Variants in TMEM178B observed in about 807,000 individuals in gnomAD.
TMEM178B encodes transmembrane protein 178B.
In TMEM178B, 5 loss-of-function variants were observed where a neutral mutation model predicts 31.0. The ratio of observed to expected loss-of-function variants is 0.16; its 90% CI spans 0.08 to 0.34. TMEM178B has a LOEUF of 0.34. TMEM178B is among the 10% of genes least tolerant of loss of function. The pLI, the probability that TMEM178B is intolerant of heterozygous loss-of-function variation, is 1.00. For synonymous variants in TMEM178B, 164 were observed against 164.0 expected (o/e 1.00, Z 0.00); for missense variants, 275 against 400.3 (o/e 0.69, Z 2.67).
intron 1 of TMEM178B, among the ~76,000 whole-genome samples, chr7:141,211,989 A>G (rs566070624): frequency 4.6e-5 from 7 of 152,186 alleles, no homozygotes; most frequent in Non-Finnish European, 8.8e-5. Context: ...TATTTTGACA[A>G]TCGACTAGTA....
At chr7:141,465,621 TC>T (rs1802135981) in intron 3 of TMEM178B, among the ~76,000 whole-genome samples, 1 of 152,324 alleles carries the variant, frequency 6.6e-6, no homozygotes, top group African/African-American at 2.4e-5. Context: ...ATTCATTCAG[TC>T]CCTTTATCGA....
intron 1 of TMEM178B, among the ~76,000 whole-genome samples, chr7:141,158,410 T>G (rs564832600): frequency 2.2e-4 from 34 of 152,296 alleles, no homozygotes; most frequent in African/African-American, 8.2e-4. Flanking sequence ...AGGTTGCCAA[T>G]TGATGTCTGT....
intron 2 of TMEM178B, among the ~76,000 whole-genome samples, chr7:141,275,892 A>T (rs1378984627): frequency 1.3e-5 from 2 of 152,206 alleles, no homozygotes; most frequent in Admixed American, 1.3e-4. Flanking sequence ...GAAGATTCAG[A>T]GGCTCCTCGT....
At chr7:141,267,251 T>G (rs1006213398) in intron 2 of TMEM178B, among the ~76,000 whole-genome samples, 1 of 152,194 alleles carries the variant, frequency 6.6e-6, no homozygotes, top group Non-Finnish European at 1.5e-5. Context: ...GGTTAATGGG[T>G]TTTCCTGTCT....
At chr7:141,377,553 C>T (rs913181277) in intron 2 of TMEM178B, among the ~76,000 whole-genome samples, 22 of 152,044 alleles carry the variant, frequency 1.4e-4, no homozygotes, top group African/African-American at 5.3e-4. Context: ...CACCTGTAAT[C>T]ACGGCTACTC....
intron 2 of TMEM178B, among the ~76,000 whole-genome samples, chr7:141,286,826 G>A (rs1473508138): frequency 3.3e-5 from 5 of 152,160 alleles, no homozygotes; most frequent in South Asian, 2.1e-4. Context: ...TCAGGCCAAC[G>A]TTAGAGACTG....
chr7:141,246,128 A>G (rs1205786656), intron 2 of TMEM178B, among the ~76,000 whole-genome samples: 1 of 152,200 alleles, frequency 6.6e-6, no homozygotes, highest in Non-Finnish European at 1.5e-5. Flanking sequence ...TGAGGGGATG[A>G]GTCTGAATAA....
At chr7:141,363,434 C>A (rs1799950993) in intron 2 of TMEM178B, among the ~76,000 whole-genome samples, 1 of 152,170 alleles carries the variant, frequency 6.6e-6, no homozygotes, top group African/African-American at 2.4e-5. Flanking sequence ...CAGTAAGTAA[C>A]CTTCTGGAGT....
chr7:141,288,810 T>C (rs1798494404), intron 2 of TMEM178B, among the ~76,000 whole-genome samples: 2 of 152,230 alleles, frequency 1.3e-5, no homozygotes, highest in Admixed American at 1.3e-4. Flanking sequence ...TTTCTTGGCT[T>C]GTTCCTTACC....
At position 141,473,444 on chromosome 7, in the gene TMEM178B, G is replaced by A. The variant is rs1802286012; in HGVS notation, c.*2658G>A. On this transcript the variant is annotated 3_prime_UTR_variant, in exon 4 of 4. Coordinates refer to ENST00000565468, the MANE Select transcript of TMEM178B (RefSeq NM_001195278.2). ...TTGCTATGAACCATTTAAACTTTTT[G>A]TAAGTAATCATGTTTGAGGATGCTG... The A allele has an allele frequency of 6.6e-6, 1 of 152,162 alleles. No homozygotes were observed. The highest frequency in any genetic ancestry group is 6.5e-5 in the Admixed American group (1 of 15,286). 9.4% of individuals were successfully genotyped at this position (152,162 alleles called of 1,614,324 possible).
In TMEM178B at chr7:141,074,100, C is replaced by A; in HGVS notation, c.-211C>A. ...AGGATGCCCAGGAGCCCGCGGGAGC[C>A]TCTCCGGATCAGAACTTTTTAGGCC... On this transcript the variant is annotated 5_prime_UTR_variant, in exon 1 of 4. Coordinates refer to ENST00000565468, the MANE Select transcript of TMEM178B (RefSeq NM_001195278.2). The surrounding 1 kb of genome is among the most constrained non-coding windows in gnomAD (Gnocchi z 5.1). The A allele has an allele frequency of 1.7e-6, 1 of 605,136 alleles. No individual in the cohort carries two copies. The highest frequency in any genetic ancestry group is 2.5e-6 in the Non-Finnish European group (1 of 404,198). 37.5% of individuals were successfully genotyped at this position (605,136 alleles called of 1,614,324 possible). A position where few individuals can be genotyped will look rare whatever the true frequency, so the allele number is the denominator to read the frequency against.
chr7:141,095,085 T>A (rs1794936075), intron 1 of TMEM178B, among the ~76,000 whole-genome samples: 1 of 152,228 alleles, frequency 6.6e-6, no homozygotes, highest in Non-Finnish European at 1.5e-5. Context: ...TTGGCCACAT[T>A]TATAGGCAGC....
intron 2 of TMEM178B, among the ~76,000 whole-genome samples, chr7:141,232,815 G>A (rs1350875567): frequency 6.6e-6 from 1 of 152,092 alleles, no homozygotes; most frequent in Admixed American, 6.6e-5. Context: ...CCCATTAGGA[G>A]CCCTGAGCCC....
rs565346141 is a variant in TMEM178B at position 141,326,552 on chromosome 7, G to C, written c.497-111056G>C. 2.6e-5 allele frequency among the ~76,000 whole-genome samples: 4 copies of C among 152,278 alleles called. No individual in the cohort carries two copies. The South Asian group carries it at 8.3e-4, about 32-fold the overall frequency. On this transcript the variant is annotated intron_variant, in intron 2 of 3. Transcript: ENST00000565468. ...CTGGGAATCGAATGTTCCTATTATAGATTAAGAATGGTTCCTCTAAACCAA... is the reference window on the plus strand; with the variant it reads ...CTGGGAATCGAATGTTCCTATTATACATTAAGAATGGTTCCTCTAAACCAA...
intron 1 of TMEM178B, among the ~76,000 whole-genome samples, chr7:141,154,913 A>T (rs1043194135): frequency 2.0e-5 from 3 of 151,978 alleles, no homozygotes; most frequent in Non-Finnish European, 4.4e-5. Flanking sequence ...TTTAGTAGAG[A>T]TGGTGGGGAT....
At chr7:141,460,535 G>A (rs1563188545) in intron 3 of TMEM178B, among the ~76,000 whole-genome samples, 1 of 152,238 alleles carries the variant, frequency 6.6e-6, no homozygotes, top group Non-Finnish European at 1.5e-5. Context: ...CCGTAGATGT[G>A]TAAAAACCAA....
At chr7:141,164,728 TCTTTTTCA>T (rs1406975047) in intron 1 of TMEM178B, among the ~76,000 whole-genome samples, 1 of 152,198 alleles carries the variant, frequency 6.6e-6, no homozygotes, top group Non-Finnish European at 1.5e-5. Context: ...AGGTGATTTC[TCTTTTTCA>T]TAAGAAAAAG....
At chr7:141,232,675 T>C (rs987294769) in intron 2 of TMEM178B, among the ~76,000 whole-genome samples, 12 of 152,228 alleles carry the variant, frequency 7.9e-5, no homozygotes, top group African/African-American at 2.9e-4. Flanking sequence ...TAAACCCATG[T>C]AACCTTAGAG....
intron 1 of TMEM178B, among the ~76,000 whole-genome samples, chr7:141,080,450 T>C (rs1486337471): frequency 1.3e-5 from 2 of 152,100 alleles, no homozygotes; most frequent in Non-Finnish European, 2.9e-5. Flanking sequence ...TGAAACCCTG[T>C]GTCTACAGAA....
Sources: allele counts gnomAD v4.1 joint callset (sites outside exome capture counted in the v4.1 genomes callset), GRCh38; gene constraint gnomAD v4.1.1; non-coding constraint Gnocchi (gnomAD v3.1); transcripts MANE v1.5; gene names NCBI Gene and HGNC (gene_info 2026-07-23, HGNC 2026-07-21).